Variants in PDE4D observed in about 807,000 individuals in gnomAD.
PDE4D encodes the protein 3',5'-cyclic-AMP phosphodiesterase 4D.
Under a neutral mutation model 87.4 loss-of-function variants are expected in PDE4D, and 24 were observed. The observed-to-expected ratio is 0.27, with a 90% confidence interval of 0.20 to 0.39. PDE4D has a LOEUF of 0.39. Among genes scored for constraint, PDE4D ranks in the 10% least tolerant of loss-of-function variants. The probability of loss-of-function intolerance (pLI) is 1.00; values close to 1 mark genes in which losing one functional copy is unlikely to be tolerated. For synonymous variants in PDE4D, 384 were observed against 383.2 expected (o/e 1.00, Z -0.02); for missense variants, 714 against 1,041.0 (o/e 0.69, Z 4.32).
At position 59,031,392 on chromosome 5, in the gene PDE4D, T is replaced by A. The variant is rs1170183707; in HGVS notation, c.921+7467A>T. Among the ~76,000 whole-genome samples the A allele has an allele frequency of 1.3e-3, 43 of 34,226 alleles. No individual in the cohort carries two copies. In the East Asian group the frequency reaches 0.017, roughly 13 times the overall value. 22.5% of individuals were successfully genotyped at this position (34,226 alleles called of 152,430 possible). A position where few individuals can be genotyped will look rare whatever the true frequency, so the allele number is the denominator to read the frequency against. ...ATATATATATATATATATATATATA[T>A]TATATATATATATATATATATATAG... On this transcript the variant is annotated intron_variant, in intron 6 of 14. Coordinates refer to ENST00000340635, the MANE Select transcript of PDE4D (RefSeq NM_001104631.2).
chr5:59,329,208 C>T (rs1214844840), intron 1 of PDE4D, among the ~76,000 whole-genome samples: 2 of 152,016 alleles, frequency 1.3e-5, no homozygotes, highest in African/African-American at 4.8e-5. Context: ...CATGAGACTA[C>T]ACCTAATGGA....
At chr5:59,864,815 A>C (rs1383222407) in intron 1 of PDE4D, among the ~76,000 whole-genome samples, 1 of 152,176 alleles carries the variant, frequency 6.6e-6, no homozygotes, top group Non-Finnish European at 1.5e-5. Context: ...ACCACAGGAA[A>C]GACATGGGGC....
chr5:59,139,826 A>T (rs1777640526), intron 5 of PDE4D, among the ~76,000 whole-genome samples: 1 of 152,044 alleles, frequency 6.6e-6, no homozygotes, highest in African/African-American at 2.4e-5. Flanking sequence ...AAACTAAAAA[A>T]CTGTCGTGTG....
chr5:59,735,953 G>A (rs1456343154), intron 1 of PDE4D, among the ~76,000 whole-genome samples: 1 of 151,928 alleles, frequency 6.6e-6, no homozygotes, highest in Non-Finnish European at 1.5e-5. Flanking sequence ...ACAGGTGTGA[G>A]CCACCCCATG....
At chr5:60,135,606 A>G (rs776844606) in intron 2 of PDE4D, among the ~76,000 whole-genome samples, 1 of 152,206 alleles carries the variant, frequency 6.6e-6, no homozygotes, top group Non-Finnish European at 1.5e-5. Context: ...AATGATTTTT[A>G]TCAGACAGAG....
At chr5:59,874,856 G>T (rs1037116771) in intron 1 of PDE4D, among the ~76,000 whole-genome samples, 4 of 152,022 alleles carry the variant, frequency 2.6e-5, no homozygotes, top group African/African-American at 9.7e-5. Flanking sequence ...CTAACCTGAG[G>T]CTATAATTAT....
In PDE4D at chr5:60,279,590, A is replaced by G. The variant is rs558968957; in HGVS notation, c.-89-93903T>C. 9.9e-5 allele frequency among the ~76,000 whole-genome samples: 15 copies of G among 151,314 alleles called. No homozygotes were observed. In the South Asian group the frequency reaches 3.2e-3, roughly 32 times the overall value. The stretch of plus-strand genomic sequence containing the variant: ...CTAAAAGTTTTGTCTTGTTAGGTTG[A>G]CCCTCTCTGGTCCTTTAATTATAGA... On this transcript the variant is annotated intron_variant, in intron 1 of 16. Transcript: ENST00000502484.
intron 1 of PDE4D, among the ~76,000 whole-genome samples, chr5:59,484,354 A>G (rs1804747670): frequency 6.6e-6 from 1 of 152,208 alleles, no homozygotes; most frequent in Admixed American, 6.5e-5. Flanking sequence ...TTGTCTACAG[A>G]CAACCACTTA....
intron 1 of PDE4D, among the ~76,000 whole-genome samples, chr5:59,284,251 A>G (rs1247122873): frequency 1.3e-5 from 2 of 152,116 alleles, no homozygotes; most frequent in African/African-American, 4.8e-5. Flanking sequence ...TATCAGCACC[A>G]TATGGTCATC....
At chr5:60,124,413 A>G (rs190849867) in intron 2 of PDE4D, among the ~76,000 whole-genome samples, 72 of 152,276 alleles carry the variant, frequency 4.7e-4, no homozygotes, top group African/African-American at 1.6e-3. Context: ...TTAAATTTTT[A>G]ACAGCTTCTG....
chr5:59,790,010 G>C (rs1765607973), intron 1 of PDE4D, among the ~76,000 whole-genome samples: 1 of 152,186 alleles, frequency 6.6e-6, no homozygotes, highest in Non-Finnish European at 1.5e-5. Context: ...TCATTGGAGA[G>C]AGTTTGGGGA....
Position 59,557,452 on chromosome 5 carries a change from G to A in PDE4D, c.455+335716C>T, listed in dbSNP as rs77797801. ...ATATGCCACCCCTGCCGCCATTGCCGACTGGCTGTGTGCCTAAAAGCCAGA... is the reference window on the plus strand; with the variant it reads ...ATATGCCACCCCTGCCGCCATTGCCAACTGGCTGTGTGCCTAAAAGCCAGA... On this transcript the variant is annotated intron_variant, in intron 1 of 14. Coordinates refer to ENST00000340635, the MANE Select transcript of PDE4D (RefSeq NM_001104631.2). 8.0e-3 allele frequency among the ~76,000 whole-genome samples: 1,215 copies of A among 151,670 alleles called. 19 individuals carry two copies. The highest frequency in any genetic ancestry group is 0.065 in the East Asian group (337 of 5,166).
chr5:58,991,704 T>C (rs1747951793), intron 8 of PDE4D, 128 bp downstream of exon 8: 3 of 507,758 alleles, frequency 5.9e-6, no homozygotes, highest in Non-Finnish European at 8.7e-6. Flanking sequence ...TGCCTTCCCA[T>C]CTTCAAAAAA....
chr5:59,879,775 C>G (rs1749164066), intron 1 of PDE4D, among the ~76,000 whole-genome samples: 1 of 152,210 alleles, frequency 6.6e-6, no homozygotes, highest in Admixed American at 6.5e-5. Context: ...AAGTCTCGCT[C>G]TGTCACCCAG....
At chr5:60,069,180 C>T (rs945405888) in intron 2 of PDE4D, among the ~76,000 whole-genome samples, 6 of 152,098 alleles carry the variant, frequency 3.9e-5, no homozygotes, top group Admixed American at 2.6e-4. Flanking sequence ...GTTGGTGTCA[C>T]CCAAAATCCA....
At chr5:59,594,629 A>G (rs1231035063) in intron 1 of PDE4D, among the ~76,000 whole-genome samples, 2 of 151,980 alleles carry the variant, frequency 1.3e-5, no homozygotes, top group Non-Finnish European at 2.9e-5. Context: ...GCCCACCCAT[A>G]TAACTTAAGG....
At chr5:59,772,884 C>G (rs1763716524) in intron 1 of PDE4D, among the ~76,000 whole-genome samples, 1 of 152,108 alleles carries the variant, frequency 6.6e-6, no homozygotes, top group Admixed American at 6.6e-5. Flanking sequence ...TTATTTTGAA[C>G]CCCAGAAGTA....
At chr5:59,223,102 A>C (rs1364432021) in intron 1 of PDE4D, among the ~76,000 whole-genome samples, 1 of 152,216 alleles carries the variant, frequency 6.6e-6, no homozygotes, top group African/African-American at 2.4e-5. Context: ...ATGAGGTGAC[A>C]GATGCTGGAG....
intron 5 of PDE4D, among the ~76,000 whole-genome samples, chr5:59,075,767 T>C (rs1251312182): frequency 6.6e-6 from 1 of 152,148 alleles, no homozygotes; most frequent in African/African-American, 2.4e-5. Flanking sequence ...GTATTGTCTT[T>C]TAGAATACTG....
Sources: allele counts gnomAD v4.1 joint callset (sites outside exome capture counted in the v4.1 genomes callset), GRCh38; gene constraint gnomAD v4.1.1; transcripts MANE v1.5; gene names NCBI Gene and HGNC (gene_info 2026-07-23, HGNC 2026-07-21).